Variants in FSTL5 observed in about 807,000 individuals in gnomAD.
The protein encoded by FSTL5 is follistatin-related protein 5.
Under a neutral mutation model 89.1 loss-of-function variants are expected in FSTL5, and 62 were observed. The observed-to-expected ratio is 0.70, with a 90% CI of 0.57 to 0.86. FSTL5 has a LOEUF of 0.86. FSTL5 is among the 40% of genes least tolerant of loss of function. The pLI is 0.00. For synonymous variants in FSTL5, 383 were observed against 346.2 expected (o/e 1.11, Z -1.18); for missense variants, 1,057 against 1,001.6 (o/e 1.06, Z -0.75).
At chr4:161,851,139 A>T (rs1432828778) in intron 4 of FSTL5, among the ~76,000 whole-genome samples, 1 of 152,228 alleles carries the variant, frequency 6.6e-6, no homozygotes, top group Non-Finnish European at 1.5e-5. Flanking sequence ...AGTAATTATT[A>T]TTCCTATTAA....
At chr4:161,415,330 A>G (rs1416407235) in intron 15 of FSTL5, among the ~76,000 whole-genome samples, 3 of 151,978 alleles carry the variant, frequency 2.0e-5, no homozygotes, top group Non-Finnish European at 4.4e-5. Context: ...ATCTCTGCTC[A>G]CTGCAACCTC....
chr4:162,089,083 T>C (rs1279331811), intron 2 of FSTL5, among the ~76,000 whole-genome samples: 1 of 152,076 alleles, frequency 6.6e-6, no homozygotes, highest in Non-Finnish European at 1.5e-5. Context: ...ATTAAGGGAA[T>C]AGTTGCATAT....
intron 3 of FSTL5, among the ~76,000 whole-genome samples, chr4:162,008,341 G>A (rs893620985): frequency 1.3e-5 from 2 of 151,836 alleles, no homozygotes; most frequent in Non-Finnish European, 3.0e-5. Flanking sequence ...AGTAGAAGAT[G>A]TTAGGAGCCA....
intron 4 of FSTL5, among the ~76,000 whole-genome samples, chr4:161,916,318 G>GT: frequency 6.6e-6 from 1 of 152,094 alleles, no homozygotes; most frequent in Admixed American, 6.6e-5. Flanking sequence ...TATATCTTAA[G>GT]TTTCTTACTC....
chr4:161,613,984 A>C (rs912673499), intron 7 of FSTL5, among the ~76,000 whole-genome samples: 4 of 152,154 alleles, frequency 2.6e-5, no homozygotes, highest in African/African-American at 9.6e-5. Flanking sequence ...TTCCAAATAC[A>C]TTTTATGTTT....
chr4:161,867,016 C>T (rs1732113375), intron 4 of FSTL5, among the ~76,000 whole-genome samples: 1 of 151,976 alleles, frequency 6.6e-6, no homozygotes, highest in African/African-American at 2.4e-5. Context: ...TTCTCTTTCT[C>T]ACATACTTGC....
intron 4 of FSTL5, among the ~76,000 whole-genome samples, chr4:161,789,094 A>G (rs1729363024): frequency 6.6e-6 from 1 of 152,170 alleles, no homozygotes; most frequent in Non-Finnish European, 1.5e-5. Context: ...TAATATTTAT[A>G]TACCTATTTT....
At chr4:161,635,417 A>G (rs577823804) in intron 7 of FSTL5, among the ~76,000 whole-genome samples, 4 of 151,904 alleles carry the variant, frequency 2.6e-5, no homozygotes, top group Non-Finnish European at 4.4e-5. Flanking sequence ...AATTATATCT[A>G]CCTGCTATAC....
At chr4:161,543,359 TA>T (rs763091551) in intron 8 of FSTL5, among the ~76,000 whole-genome samples, 50 of 152,072 alleles carry the variant, frequency 3.3e-4, no homozygotes, top group South Asian at 1.0e-3. Flanking sequence ...TGGTAAAGGC[TA>T]TTGGTAAGGT....
intron 15 of FSTL5, among the ~76,000 whole-genome samples, chr4:161,410,662 A>G (rs1028450757): frequency 1.3e-5 from 2 of 152,156 alleles, no homozygotes; most frequent in Non-Finnish European, 2.9e-5. Flanking sequence ...AATGAAAAAA[A>G]TTTTTGAAAT....
rs753361003 is a variant in FSTL5, at chr4:161,587,505, T to C, written c.965A>G (p.Tyr322Cys). Residue 322 changes from tyrosine to cysteine, a missense_variant, in exon 8 of 16, where the codon TAT becomes TGT. By Grantham distance (194) the Tyr-to-Cys change is radical. Transcript: ENST00000306100. ...ATAGACTTGTTCATAGCCATCTGCATAGCAGGTGTAATTGCCAACGTGAGT... is the reference window on the plus strand; with the variant it reads ...ATAGACTTGTTCATAGCCATCTGCACAGCAGGTGTAATTGCCAACGTGAGT... ...TTTHVGNYTC[Y>C]ADGYEQVYQT... The C allele has an allele frequency of 2.5e-6, 4 of 1,612,334 alleles. No homozygotes were observed. The highest frequency in any genetic ancestry group is 3.4e-6 in the Non-Finnish European group (4 of 1,178,552).
At chr4:162,101,361 T>C (rs1378863112) in intron 2 of FSTL5, among the ~76,000 whole-genome samples, 1 of 152,222 alleles carries the variant, frequency 6.6e-6, no homozygotes, top group Non-Finnish European at 1.5e-5. Context: ...TCATGTGTAG[T>C]AGGTACTTAA....
intron 3 of FSTL5, among the ~76,000 whole-genome samples, chr4:161,924,586 G>A (rs774667401): frequency 9.2e-5 from 14 of 151,682 alleles, no homozygotes; most frequent in Non-Finnish European, 1.8e-4. Context: ...ACATGCTTAA[G>A]TAGAGAGACT....
At chr4:162,146,671 TTCCCTTCCCTTCCC>T (rs1732999793) in intron 1 of FSTL5, among the ~76,000 whole-genome samples, 1 of 10,322 alleles carries the variant, frequency 9.7e-5, no homozygotes, top group Non-Finnish European at 3.1e-4. Flanking sequence ...GTCCCTTCCC[TTCCCTTCCCTTCCC>T]TTCCCTTCCC....
intron 15 of FSTL5, among the ~76,000 whole-genome samples, chr4:161,410,831 A>AT (rs915693320): frequency 6.6e-6 from 1 of 151,988 alleles, no homozygotes; most frequent in African/African-American, 2.4e-5. Context: ...AAAAAAGAAA[A>AT]AAACAAATAA....
At chr4:161,575,899 T>G (rs571613636) in intron 8 of FSTL5, among the ~76,000 whole-genome samples, 27 of 152,334 alleles carry the variant, frequency 1.8e-4, no homozygotes, top group Non-Finnish European at 3.5e-4. Context: ...GGAGATGACA[T>G]GATTGTATAT....
chr4:161,603,758 C>A (rs1365286404), intron 7 of FSTL5, among the ~76,000 whole-genome samples: 4 of 152,078 alleles, frequency 2.6e-5, no homozygotes, highest in African/African-American at 9.7e-5. Flanking sequence ...GACAGAACGT[C>A]TCCGAGACAA....
chr4:162,073,839 G>A (rs1235035265), intron 2 of FSTL5, among the ~76,000 whole-genome samples: 1 of 151,676 alleles, frequency 6.6e-6, no homozygotes. Context: ...GTTCACAGGT[G>A]ATTCCCACAG....
intron 4 of FSTL5, among the ~76,000 whole-genome samples, chr4:161,838,323 G>C (rs989653775): frequency 1.3e-5 from 2 of 152,120 alleles, no homozygotes; most frequent in African/African-American, 2.4e-5. Context: ...CTGCTGCCCA[G>C]ACTGGAGCGC....
Sources: gnomAD v4.1 joint callset for allele counts (sites outside exome capture counted in the v4.1 genomes callset) on GRCh38, gnomAD v4.1.1 for gene constraint, MANE v1.5 for transcripts, NCBI Gene and HGNC (gene_info 2026-07-23, HGNC 2026-07-21) for gene names.